Variants in SLC38A4 observed in about 807,000 individuals in gnomAD.
The protein encoded by SLC38A4 is solute carrier family 38 member 4.
SLC38A4 carries 20 observed loss-of-function variants against 63.1 expected under a neutral mutation model. That is an observed-to-expected ratio of 0.32 (90% CI 0.22 to 0.46). The LOEUF (loss-of-function observed/expected upper bound fraction) is 0.46, where lower values mean the gene tolerates loss of function less well. Among genes scored for constraint, SLC38A4 ranks in the 20% least tolerant of loss-of-function variants. The pLI is 1.00. For missense variants in SLC38A4, 526 were observed against 663.6 expected (o/e 0.79, Z 2.28); for synonymous variants, 230 against 225.5 (o/e 1.02, Z -0.18).
intron 14 of SLC38A4, among the ~76,000 whole-genome samples, chr12:46,772,035 G>A (rs531866177): frequency 6.6e-6 from 1 of 151,932 alleles, no homozygotes; most frequent in South Asian, 2.1e-4. Flanking sequence ...TCCTGAACAG[G>A]AGCCTGTTAG....
chr12:46,780,131 C>T (rs983623910), intron 7 of SLC38A4, 101 bp from the exon 8 acceptor site: 10 of 874,938 alleles, frequency 1.1e-5, no homozygotes, highest in Non-Finnish European at 1.7e-5. Flanking sequence ...ATCTAATCCC[C>T]CAAATGGAAA....
intron 1 of SLC38A4, among the ~76,000 whole-genome samples, chr12:46,820,245 G>A (rs754937898): frequency 5.3e-5 from 8 of 151,992 alleles, no homozygotes; most frequent in Admixed American, 3.3e-4. Flanking sequence ...CGTGCCTAAC[G>A]ATAGGCATTA....
intron 1 of SLC38A4, among the ~76,000 whole-genome samples, chr12:46,812,029 A>G (rs12424453): frequency 0.15 from 22,720 of 152,022 alleles, 2,909 homozygotes; most frequent in African/African-American, 0.35. Flanking sequence ...AATCCACCTA[A>G]GTGAAGATCA....
intron 3 of SLC38A4, 29 bp downstream of exon 3, chr12:46,792,924 A>G (rs375060271): frequency 4.5e-5 from 69 of 1,522,138 alleles, no homozygotes; most frequent in Non-Finnish European, 6.3e-5. Context: ...TTATTTTTCC[A>G]TGGAACATAG....
intron 1 of SLC38A4, among the ~76,000 whole-genome samples, chr12:46,813,149 A>G (rs1592194468): frequency 6.6e-6 from 1 of 151,910 alleles, no homozygotes; most frequent in Admixed American, 6.6e-5. Flanking sequence ...AAGCCTTAAG[A>G]TAACCTGGGA....
chr12:46,786,161 T>A (rs370367337), intron 5 of SLC38A4, among the ~76,000 whole-genome samples: 6 of 152,254 alleles, frequency 3.9e-5, no homozygotes, highest in South Asian at 4.1e-4. Context: ...ATATGCCTTA[T>A]GAACTTAACT....
intron 5 of SLC38A4, 118 bp from the exon 6 acceptor site, chr12:46,785,295 T>C: frequency 5.0e-6 from 4 of 805,094 alleles, no homozygotes; most frequent in South Asian, 1.7e-5. Context: ...TCCAAAAGTA[T>C]GTGGATTTGG....
chr12:46,777,077 A>G, intron 12 of SLC38A4, 73 bp from the exon 13 acceptor site: 1 of 1,235,750 alleles, frequency 8.1e-7, no homozygotes, highest in South Asian at 1.3e-5. Context: ...AATGAAAATA[A>G]TAATAAAAAA....
At position 46,779,881 on chromosome 12, in the gene SLC38A4, G is replaced by GA. The variant is rs748046477; in HGVS notation, c.576-20dup. 2.5e-6 allele frequency: 4 copies of GA among 1,609,794 alleles called. No homozygotes were observed. The highest frequency in any genetic ancestry group is 2.7e-5 in the African/African-American group (2 of 74,834). Reference sequence around the variant, plus strand: ...CCATTCTCTAGAAGTGAGAGACAAGGATATTAGAATCAGAAAAGACCAAGT... The same window carrying GA: ...CCATTCTCTAGAAGTGAGAGACAAGGAATATTAGAATCAGAAAAGACCAAGT... On this transcript the variant is annotated intron_variant, in intron 8 of 16. Transcript: ENST00000266579.
intron 2 of SLC38A4, among the ~76,000 whole-genome samples, chr12:46,801,761 T>C (rs74086118): frequency 0.048 from 7,356 of 152,150 alleles, 608 homozygotes; most frequent in African/African-American, 0.17. Context: ...TAAATTATCT[T>C]AATTTCCCCA....
intron 1 of SLC38A4, among the ~76,000 whole-genome samples, chr12:46,824,680 G>A (rs1565680742): frequency 6.6e-6 from 1 of 152,212 alleles, no homozygotes; most frequent in African/African-American, 2.4e-5. Context: ...CATGCAGTAT[G>A]ATTCCATTTA....
chr12:46,814,744 CTT>C (rs1939405130), intron 1 of SLC38A4, among the ~76,000 whole-genome samples: 1 of 151,910 alleles, frequency 6.6e-6, no homozygotes, highest in Admixed American at 6.6e-5. Flanking sequence ...GACTGGCTCT[CTT>C]TGAGGCAGTT....
At chr12:46,819,622 A>T (rs1939503011) in intron 1 of SLC38A4, among the ~76,000 whole-genome samples, 1 of 151,876 alleles carries the variant, frequency 6.6e-6, no homozygotes, top group Non-Finnish European at 1.5e-5. Flanking sequence ...ATAATTTAGT[A>T]ATGATTGTGG....
chr12:46,827,071 G>A (rs959628053), upstream of SLC38A4, among the ~76,000 whole-genome samples: 1 of 152,178 alleles, frequency 6.6e-6, no homozygotes, highest in Non-Finnish European at 1.5e-5. Context: ...CAAGGGAACT[G>A]AGATAATAGT....
At chr12:46,787,268 G>A (rs1360096883) in intron 5 of SLC38A4, among the ~76,000 whole-genome samples, 1 of 152,214 alleles carries the variant, frequency 6.6e-6, no homozygotes, top group Non-Finnish European at 1.5e-5. Context: ...AGAGCTTATA[G>A]TCCAGCAAGA....
At chr12:46,822,175 G>A (rs1939563277) in intron 1 of SLC38A4, among the ~76,000 whole-genome samples, 1 of 151,966 alleles carries the variant, frequency 6.6e-6, no homozygotes, top group Admixed American at 6.6e-5. Flanking sequence ...GACATCTTTG[G>A]GAGGGTGTTA....
intron 3 of SLC38A4, among the ~76,000 whole-genome samples, chr12:46,790,931 CTGCAAAATGA>C (rs1227483961): frequency 2.9e-4 from 43 of 150,304 alleles, no homozygotes; most frequent in African/African-American, 1.0e-3. Flanking sequence ...ATTTTAAAAA[CTGCAAAATGA>C]TGTCCTATGT....
At chr12:46,815,232 G>T (rs1939414016) in intron 1 of SLC38A4, among the ~76,000 whole-genome samples, 1 of 116,976 alleles carries the variant, frequency 8.5e-6, no homozygotes, top group African/African-American at 3.3e-5. Context: ...GATTATAAAT[G>T]GCTAAAGGAT....
upstream of SLC38A4, among the ~76,000 whole-genome samples, chr12:46,826,524 G>A (rs1340854731): frequency 6.6e-6 from 1 of 152,164 alleles, no homozygotes; most frequent in Admixed American, 6.5e-5. Flanking sequence ...TGCCAGATAT[G>A]ATTCTAAATG....
Sources: gnomAD v4.1 joint callset for allele counts (sites outside exome capture counted in the v4.1 genomes callset) on GRCh38, gnomAD v4.1.1 for gene constraint, MANE v1.5 for transcripts, NCBI Gene and HGNC (gene_info 2026-07-23, HGNC 2026-07-21) for gene names.